The following WDR27 variants were observed in gnomAD, a reference collection of about 807,000 sequenced individuals.
The protein encoded by WDR27 is WD repeat domain 27.
Under a neutral mutation model 114.4 loss-of-function variants are expected in WDR27, and 100 were observed. The observed-to-expected ratio is 0.87, with a 90% CI of 0.74 to 1.03. WDR27 has a LOEUF of 1.03. Ranked by LOEUF, WDR27 falls within the 50% of genes least tolerant of loss-of-function variation. WDR27 has a pLI of 0.00. For missense variants in WDR27, 1,129 were observed against 1,092.9 expected (o/e 1.03, Z -0.47); for synonymous variants, 449 against 423.1 (o/e 1.06, Z -0.75).
chr6:169,520,038 C>A (rs1015818663), intron 25 of WDR27, among the ~76,000 whole-genome samples: 19 of 152,084 alleles, frequency 1.2e-4, no homozygotes, highest in African/African-American at 4.6e-4. Context: ...ATCAGGAGTG[C>A]CCGAAAAGAA....
intron 25 of WDR27, among the ~76,000 whole-genome samples, chr6:169,494,551 T>C (rs770872560): frequency 8.5e-5 from 13 of 152,128 alleles, no homozygotes; most frequent in Non-Finnish European, 1.9e-4. Context: ...TCCAGCTCCA[T>C]TATAATCTTA....
the WDR27 span, among the ~76,000 whole-genome samples, chr6:169,442,089 T>A: frequency 6.6e-6 from 1 of 152,238 alleles, no homozygotes; most frequent in Admixed American, 6.5e-5. Flanking sequence ...ATTGAAAAGT[T>A]CAGCCATGCC....
chr6:169,548,987 TG>T (rs1797777853), intron 25 of WDR27, among the ~76,000 whole-genome samples: 1 of 152,118 alleles, frequency 6.6e-6, no homozygotes, highest in South Asian at 2.1e-4. Flanking sequence ...TAGATGACCT[TG>T]GGTATGGCAA....
rs561673923 is a variant in WDR27 at position 169,688,828 on chromosome 6, G to A, written c.178C>T (p.Pro60Ser). The change falls in exon 2 of 26, where the codon CCT becomes TCT. Residue 60 changes from proline (P) to serine (S), a missense_variant. By Grantham distance (74) the Pro-to-Ser change is moderately conservative. Coordinates refer to ENST00000448612, the MANE Select transcript of WDR27 (RefSeq NM_182552.5). ...TELCIWNTKD[P>S]SHQLLILRGH... is the part of the protein sequence containing the mutation. The stretch of plus-strand genomic sequence containing the variant: ...AACTCGTTCAATACCTGATGAGAAG[G>A]ATCCTTAGTGTTCCATATACAAAGT... 69 of 1,606,768 alleles carry A rather than the reference G, an allele frequency of 4.3e-5. 1 individual carries two copies. The South Asian group carries it at 7.2e-4, about 17-fold the overall frequency.
intron 23 of WDR27, among the ~76,000 whole-genome samples, chr6:169,598,189 G>A (rs75667803): frequency 0.021 from 3,166 of 152,224 alleles, 73 homozygotes; most frequent in East Asian, 0.088. Flanking sequence ...TTAACTGAAG[G>A]GTATTGAGAT....
intron 25 of WDR27, among the ~76,000 whole-genome samples, chr6:169,556,035 C>T (rs1284478350): frequency 3.9e-5 from 6 of 152,166 alleles, no homozygotes; most frequent in Non-Finnish European, 5.9e-5. Context: ...GCATGGGAGG[C>T]GCCTGTGGCA....
chr6:169,605,126 T>TAAAAAAAAAAAAAAAAAAAAA (rs1562675972), intron 22 of WDR27, among the ~76,000 whole-genome samples: 3 of 74,444 alleles, frequency 4.0e-5, no homozygotes, highest in East Asian at 2.8e-3. Context: ...AAAAAAAAAG[T>TAAAAAAAAAAAAAAAAAAAAA]TTTTTTTTTT....
At chr6:169,624,917 G>A (rs1814400796) in intron 21 of WDR27, among the ~76,000 whole-genome samples, 3 of 152,222 alleles carry the variant, frequency 2.0e-5, no homozygotes, top group Admixed American at 2.0e-4. Flanking sequence ...TACAAGAGCA[G>A]CCGTCCCACA....
chr6:169,642,801 C>T (rs769264206), intron 17 of WDR27, among the ~76,000 whole-genome samples: 16 of 152,216 alleles, frequency 1.1e-4, no homozygotes, highest in Admixed American at 5.2e-4. Context: ...TCAGCCCCAC[C>T]AGGCCCCACC....
At chr6:169,505,193 T>G (rs1791852021) in intron 25 of WDR27, among the ~76,000 whole-genome samples, 3 of 152,198 alleles carry the variant, frequency 2.0e-5, no homozygotes, top group Non-Finnish European at 1.5e-5. Context: ...GCTCATTAAG[T>G]TATTGTAAAT....
intron 1 of WDR27, among the ~76,000 whole-genome samples, chr6:169,690,986 C>A (rs576075858): frequency 1.3e-5 from 2 of 152,144 alleles, no homozygotes; most frequent in Non-Finnish European, 2.9e-5. Context: ...GAGGCCGAGG[C>A]GGGCGGATCA....
intron 20 of WDR27, 53 bp from the exon 21 acceptor site, chr6:169,633,121 G>A: frequency 1.3e-6 from 2 of 1,518,010 alleles, no homozygotes; most frequent in Non-Finnish European, 1.8e-6. Flanking sequence ...CATGGGGAAG[G>A]GACAGTTCCC....
chr6:169,570,961 C>T (rs1004305959), intron 25 of WDR27, among the ~76,000 whole-genome samples: 1 of 152,226 alleles, frequency 6.6e-6, no homozygotes, highest in South Asian at 2.1e-4. Context: ...CTCGGCCAGG[C>T]CCACTCCCTG....
At chr6:169,461,627 A>G (rs1784911843) in intron 25 of WDR27, among the ~76,000 whole-genome samples, 1 of 150,358 alleles carries the variant, frequency 6.7e-6, no homozygotes, top group Admixed American at 6.7e-5. Context: ...GGGGGAATTT[A>G]TAGCTATAAA....
rs1244535954 is a variant in WDR27, at chr6:169,559,401, T to G, written c.2645+13018A>C. ...AAATTAACTTTAATGATGTGGGCAT[T>G]GATGAGACAGTCAGGAAATATCTGG... On this transcript the variant is annotated intron_variant, in intron 25 of 25. Coordinates refer to ENST00000448612, the MANE Select transcript of WDR27 (RefSeq NM_182552.5). The G allele has an allele frequency of 2.0e-5, 3 of 152,080 alleles. 1 individual carries two copies. The highest frequency in any genetic ancestry group is 3.9e-4 in the East Asian group (2 of 5,194). 9.4% of individuals were successfully genotyped at this position (152,080 alleles called of 1,614,324 possible). A position where few individuals can be genotyped will look rare whatever the true frequency, so the allele number is the denominator to read the frequency against.
chr6:169,508,274 T>G (rs1287376402), intron 25 of WDR27, among the ~76,000 whole-genome samples: 2 of 152,182 alleles, frequency 1.3e-5, no homozygotes, highest in African/African-American at 4.8e-5. Context: ...TACATTAAAA[T>G]CAAGCTACAA....
chr6:169,538,069 G>A lies in WDR27; in HGVS notation c.2645+34350C>T, dbSNP rs113206322. On this transcript the variant is annotated intron_variant, in intron 25 of 25. Coordinates refer to ENST00000448612, the MANE Select transcript of WDR27 (RefSeq NM_182552.5). ...GGGGAGAGATGGAGCAAGATAAGCC[G>A]TGAGCTGACAACTGGGGCAGCTAGG... Among the ~76,000 whole-genome samples the A allele has an allele frequency of 3.4e-3, 516 of 152,192 alleles. 2 individuals are homozygous for A. The highest frequency in any genetic ancestry group is 0.012 in the African/African-American group (482 of 41,524).
intron 23 of WDR27, among the ~76,000 whole-genome samples, chr6:169,599,799 T>C (rs2494678): frequency 0.89 from 135,976 of 152,052 alleles, 61,377 homozygotes; most frequent in East Asian, 0.99. Context: ...TTGCCCTCTG[T>C]TAGCTTTTGA....
At chr6:169,681,174 C>T (rs1585126772) in intron 2 of WDR27, among the ~76,000 whole-genome samples, 1 of 152,152 alleles carries the variant, frequency 6.6e-6, no homozygotes, top group African/African-American at 2.4e-5. Flanking sequence ...TATAGTATAT[C>T]CATACAATGA....
Sources: allele counts gnomAD v4.1 joint callset (sites outside exome capture counted in the v4.1 genomes callset), GRCh38; gene constraint gnomAD v4.1.1; transcripts MANE v1.5; gene names NCBI Gene and HGNC (gene_info 2026-07-23, HGNC 2026-07-21).